TRIM49C: variants seen among roughly 807,000 people sequenced by gnomAD.
TRIM49C encodes the protein tripartite motif containing 49C, also known as tripartite motif-containing protein 49C.
In TRIM49C, 6 loss-of-function variants were observed where a neutral mutation model predicts 21.4. The ratio of observed to expected loss-of-function variants is 0.28; its 90% CI spans 0.15 to 0.55. TRIM49C has a LOEUF of 0.55. Among genes scored for constraint, TRIM49C ranks in the 20% least tolerant of loss-of-function variants. TRIM49C has a pLI of 0.94. For missense variants in TRIM49C, 161 were observed against 442.4 expected (o/e 0.36, Z 5.71); for synonymous variants, 57 against 148.1 (o/e 0.38, Z 4.47).
At chr11:90,046,992 A>G (rs1454296418), downstream of TRIM49C, among the ~76,000 whole-genome samples, 2 of 124,190 alleles carry the variant, frequency 1.6e-5, 1 homozygote, top group Non-Finnish European at 3.3e-5. Flanking sequence ...GGTTTCAAAG[A>G]ACATCTTTAT....
downstream of TRIM49C, among the ~76,000 whole-genome samples, chr11:90,043,983 G>C: frequency 1.8e-5 from 1 of 54,726 alleles, no homozygotes; most frequent in South Asian, 1.2e-3. Flanking sequence ...GTGTCCAAGT[G>C]ATCTCACTGT....
chr11:90,057,374 CA>C, the TRIM49C span, among the ~76,000 whole-genome samples: 1 of 87,790 alleles, frequency 1.1e-5, no homozygotes, highest in African/African-American at 6.2e-5. Context: ...AAAACTTGTA[CA>C]AAAAAAGCCA....
intron 2 of TRIM49C, among the ~76,000 whole-genome samples, chr11:90,033,361 A>G (rs1950700299): frequency 7.4e-6 from 1 of 134,626 alleles, no homozygotes; most frequent in African/African-American, 2.7e-5. Context: ...TAGGATGTAT[A>G]CATATATGTG....
the TRIM49C span, chr11:90,071,657 A>T: frequency 9.4e-7 from 1 of 1,066,330 alleles, no homozygotes; most frequent in Non-Finnish European, 1.4e-6. Context: ...TTAAACACAG[A>T]CATCAGAAAC....
At chr11:90,054,655 G>T in the TRIM49C span, among the ~76,000 whole-genome samples, 2 of 129,476 alleles carry the variant, frequency 1.5e-5, 1 homozygote. Context: ...TGTTCTTAGT[G>T]GTCTCTCTGA....
At position 90,039,173 on chromosome 11, in the gene TRIM49C, C is replaced by T. The variant is rs540928403; in HGVS notation, c.761+458C>T. 2.3e-3 allele frequency among the ~76,000 whole-genome samples: 300 copies of T among 133,252 alleles called. 51 individuals carry two copies. The highest frequency in any genetic ancestry group is 2.4e-3 in the Non-Finnish European group (149 of 62,290). 87.4% of individuals were successfully genotyped at this position (133,252 alleles called of 152,430 possible). A position where few individuals can be genotyped will look rare whatever the true frequency, so the allele number is the denominator to read the frequency against. On this transcript the variant is annotated intron_variant, in intron 6 of 7. Transcript: ENST00000448984. ...TGACCCCGTGATCCGCCCGCCTCGGCCTCCCAAAGTGCTGGGATTACAGGC... is the reference window on the plus strand; with the variant it reads ...TGACCCCGTGATCCGCCCGCCTCGGTCTCCCAAAGTGCTGGGATTACAGGC...
rs374297173 is a variant in TRIM49C at position 90,038,676 on chromosome 11, CT to C, written c.739-4del. ...TTGTGAAATGCACTAAATCTTTCTT[CT>C]TTTTTTTTTTTTCAGGCTTTTGGAG... On this transcript the variant is annotated splice_polypyrimidine_tract_variant and intron_variant, in intron 5 of 7. Transcript: ENST00000448984. 155,816 of 773,528 alleles carry C rather than the reference CT, an allele frequency of 0.2. 3,244 individuals are homozygous for C. Among genetic ancestry groups the C allele is most frequent in the African/African-American group, 0.33 (14,870 of 45,330 alleles). 47.9% of individuals were successfully genotyped at this position (773,528 alleles called of 1,614,324 possible).
chr11:90,066,282 A>T, the TRIM49C span, among the ~76,000 whole-genome samples: 4 of 137,928 alleles, frequency 2.9e-5, 1 homozygote, highest in Admixed American at 1.7e-4. Context: ...GGCCTCCCAA[A>T]GTGCTGGGAT....
chr11:90,035,219 C>T lies in TRIM49C; in HGVS notation c.8C>T (p.Ser3Phe). 1.3e-6 allele frequency: 2 copies of T among 1,575,698 alleles called. No homozygotes were observed. Among genetic ancestry groups the T allele is most frequent in the South Asian group, 1.1e-5 (1 of 87,032 alleles). Residue 3 changes from serine to phenylalanine, a missense_variant, in exon 3 of 8, where the codon TCT becomes TTT. Physicochemically the swap from Ser to Phe is radical, Grantham distance 155. Transcript: ENST00000448984. ...TCTTTGTTCCTCAGAAACATGAATT[C>T]TGGAATCTTACAGGTCTTTCAGGGG... is the stretch of plus-strand genomic sequence containing the variant. MN[S>F]GILQVFQGEL... is the part of the protein sequence containing the mutation.
the TRIM49C span, among the ~76,000 whole-genome samples, chr11:90,068,583 T>A: frequency 6.9e-6 from 1 of 144,754 alleles, no homozygotes; most frequent in South Asian, 2.3e-4. Flanking sequence ...CTACTGTGTC[T>A]TAATAAACAT....
At chr11:90,042,177 T>C (rs1332680820), downstream of TRIM49C, among the ~76,000 whole-genome samples, 2 of 145,476 alleles carry the variant, frequency 1.4e-5, 1 homozygote, top group Non-Finnish European at 3.0e-5. Context: ...AGTAACTAAA[T>C]ATTGACTCCT....
At chr11:90,053,035 C>G in the TRIM49C span, among the ~76,000 whole-genome samples, 2 of 140,334 alleles carry the variant, frequency 1.4e-5, no homozygotes, top group African/African-American at 2.5e-5. Context: ...CAAAGCCCTC[C>G]GTCCTCAACG....
At chr11:90,071,071 C>T in the TRIM49C span, 1 of 482,016 alleles carries the variant, frequency 2.1e-6, no homozygotes, top group African/African-American at 2.0e-5. Flanking sequence ...GGTGGGATTA[C>T]AGGTGTGAGC....
chr11:90,063,089 T>C, the TRIM49C span: 286 of 1,167,036 alleles, frequency 2.5e-4, 23 homozygotes, highest in Non-Finnish European at 2.9e-4. Flanking sequence ...GTGGACAATT[T>C]TCTTTGTCTA....
At chr11:90,072,200 G>A in the TRIM49C span, among the ~76,000 whole-genome samples, 4 of 141,938 alleles carry the variant, frequency 2.8e-5, no homozygotes, top group African/African-American at 1.0e-4. Flanking sequence ...AAGTTTCATA[G>A]CATTTATAAT....
chr11:90,069,344 C>T, the TRIM49C span, among the ~76,000 whole-genome samples: 6 of 129,358 alleles, frequency 4.6e-5, 1 homozygote, highest in Non-Finnish European at 8.0e-5. Flanking sequence ...AATCTCCTGA[C>T]GTCGTGATCC....
the TRIM49C span, among the ~76,000 whole-genome samples, chr11:90,059,840 T>C: frequency 6.8e-6 from 1 of 147,038 alleles, no homozygotes; most frequent in Non-Finnish European, 1.5e-5. Flanking sequence ...GCCCGGGTCA[T>C]TGATGCTTTT....
At chr11:90,051,942 A>C in the TRIM49C span, 25 of 917,440 alleles carry the variant, frequency 2.7e-5, 1 homozygote, top group Non-Finnish European at 3.9e-5. Context: ...CCACCTTGTT[A>C]TGCCACTTGG....
the TRIM49C span, chr11:90,073,049 T>A: frequency 1.5e-6 from 1 of 670,242 alleles, no homozygotes; most frequent in South Asian, 1.6e-5. Flanking sequence ...GGTCTTCTCC[T>A]CTGGCAAACA....
Sources: gnomAD v4.1 joint callset for allele counts (sites outside exome capture counted in the v4.1 genomes callset) on GRCh38, gnomAD v4.1.1 for gene constraint, MANE v1.5 for transcripts, NCBI Gene and HGNC (gene_info 2026-07-23, HGNC 2026-07-21) for gene names.